Variants in MICAL2 observed in about 807,000 individuals in gnomAD.
MICAL2 encodes microtubule associated monooxygenase, calponin and LIM domain containing 2, also known as [F-actin]-monooxygenase MICAL2.
A neutral mutation model predicts 127.3 loss-of-function variants in MICAL2; 77 were observed. The ratio of observed to expected loss-of-function variants is 0.60; its 90% CI spans 0.50 to 0.73. The LOEUF (loss-of-function observed/expected upper bound fraction) is 0.73, where lower values mean the gene tolerates loss of function less well. MICAL2 is among the 30% of genes least tolerant of loss of function. MICAL2 has a pLI of 0.00. For synonymous variants in MICAL2, 570 were observed against 551.1 expected (o/e 1.03, Z -0.48); for missense variants, 1,351 against 1,434.4 (o/e 0.94, Z 0.94).
At chr11:12,333,812 C>CA (rs1712204414) in intron 32 of MICAL2, among the ~76,000 whole-genome samples, 1 of 151,882 alleles carries the variant, frequency 6.6e-6, no homozygotes, top group Admixed American at 6.6e-5. Flanking sequence ...GTAAATCTAG[C>CA]AAAAAACATG....
At chr11:12,281,435 T>C (rs1378769151) in intron 2 of MICAL2, among the ~76,000 whole-genome samples, 2 of 151,994 alleles carry the variant, frequency 1.3e-5, no homozygotes, top group Admixed American at 6.5e-5. Flanking sequence ...TATGGGCACC[T>C]CCTTAGGGGC....
At chr11:12,256,506 C>T (rs1862339212) in intron 23 of MICAL2, 2 of 342,602 alleles carry the variant, frequency 5.8e-6, no homozygotes, top group Non-Finnish European at 1.1e-5. Flanking sequence ...CACTCCCACC[C>T]CAAAACCAGA....
Position 12,220,401 on chromosome 11 carries a change from G to A in MICAL2, c.1149G>A (p.Val383=). The change falls in exon 9 of 28, where the codon GTG becomes GTA. Residue 383 remains valine, a synonymous_variant. Transcript: ENST00000683283. The part of the protein sequence containing the change: ...CMYASENAAL[V]RERQAHQLLV... ...ATGCCTCAGAGAACGCGGCCCTGGT[G>A]CGGGAGCGGCAGGCGCACCAGCTGC... is the stretch of plus-strand genomic sequence containing the variant. 1.2e-6 allele frequency: 2 copies of A among 1,613,850 alleles called. No homozygotes were observed. The highest frequency in any genetic ancestry group is 2.2e-5 in the East Asian group (1 of 44,884).
chr11:12,175,949 T>G (rs1856797739), intron 3 of MICAL2, among the ~76,000 whole-genome samples: 1 of 152,178 alleles, frequency 6.6e-6, no homozygotes, highest in Non-Finnish European at 1.5e-5. Context: ...GGGCTTTTAC[T>G]CTGCATGAGA....
downstream of MICAL2, chr11:12,294,402 A>C: frequency 6.2e-7 from 1 of 1,614,164 alleles, no homozygotes; most frequent in Non-Finnish European, 8.5e-7. Flanking sequence ...AAAGACGGGG[A>C]CCAGCATTCC....
In MICAL2 at chr11:12,239,521, C is replaced by A; in HGVS notation, c.2150C>A (p.Ser717Tyr). The stretch of plus-strand genomic sequence containing the variant: ...GGTGGAAATCAGAACAAAGTCAAGT[C>A]CATGGCGAATCAGCTGCTGGCCAAG... ...KEGGNQNKVK[S>Y]MANQLLAKFE... The change falls in exon 17 of 28, where the codon TCC becomes TAC. Residue 717 changes from serine to tyrosine, a missense_variant. This residue lies in a region of MICAL2 where 752 missense variants were observed against 719.4 expected (regional missense o/e 1.05). Coordinates refer to ENST00000683283, the MANE Select transcript of MICAL2 (RefSeq NM_001282663.2). 1 of 1,614,214 alleles carries A rather than the reference C, an allele frequency of 6.2e-7. No individual in the cohort carries two copies. The highest frequency in any genetic ancestry group is 8.5e-7 in the Non-Finnish European group (1 of 1,180,044).
downstream of MICAL2, chr11:12,292,104 A>G (rs984891211): frequency 1.3e-5 from 21 of 1,585,994 alleles, no homozygotes; most frequent in Non-Finnish European, 1.8e-5. Context: ...ATAAAATAAT[A>G]ACACCTTTGT....
intron 29 of MICAL2, among the ~76,000 whole-genome samples, chr11:12,310,258 A>G (rs12808445): frequency 0.4 from 60,780 of 151,982 alleles, 14,872 homozygotes; most frequent in Non-Finnish European, 0.55. Flanking sequence ...GCCCAGACCA[A>G]TGTCCTATAG....
chr11:12,332,588 T>A (rs1007241058), intron 32 of MICAL2, among the ~76,000 whole-genome samples: 2 of 152,130 alleles, frequency 1.3e-5, no homozygotes, highest in African/African-American at 4.8e-5. Flanking sequence ...GAGAGTTTAT[T>A]ATTCACAGCA....
At chr11:12,284,563 G>A (rs765189745) in intron 2 of MICAL2, among the ~76,000 whole-genome samples, 7 of 152,036 alleles carry the variant, frequency 4.6e-5, no homozygotes, top group Non-Finnish European at 8.8e-5. Context: ...TTTCCAATAG[G>A]TTCCATTCCA....
rs777096849 is a variant in MICAL2 at position 12,220,183 on chromosome 11, T to C, written c.949-18T>C. 1.5e-5 allele frequency: 25 copies of C among 1,613,612 alleles called. 1 individual carries two copies. Among genetic ancestry groups the C allele is most frequent in the Admixed American group, 8.3e-5 (5 of 60,016 alleles). ...TTTAGAGGGGGAGGTTGCTGCACCA[T>C]GTTTTCATCTTCCCCAGGACTACAT... On this transcript the variant is annotated intron_variant, in intron 8 of 27. Coordinates refer to ENST00000683283, the MANE Select transcript of MICAL2 (RefSeq NM_001282663.2).
At position 12,242,090 on chromosome 11, in the gene MICAL2, G is replaced by T; in HGVS notation, c.2338-124G>T. 3 of 763,352 alleles carry T rather than the reference G, an allele frequency of 3.9e-6. No homozygotes were observed. In the South Asian group the frequency reaches 5.9e-5, roughly 15 times the overall value. The allele number at this position is 763,352 out of a possible 1,614,324, so 47.3% of individuals were successfully genotyped here. A position where few individuals can be genotyped will look rare whatever the true frequency, so the allele number is the denominator to read the frequency against. On this transcript the variant is annotated intron_variant, in intron 18 of 27. Transcript: ENST00000683283. ...AGAGTCAACACCTGGGGCTAGTTTG[G>T]AATCTTACTTAGGGTTGCACCTGGT...
intron 2 of MICAL2, among the ~76,000 whole-genome samples, chr11:12,143,945 A>AAG (rs137892591): frequency 6.7e-5 from 10 of 150,296 alleles, no homozygotes; most frequent in African/African-American, 1.7e-4. Flanking sequence ...GAGAGAGGGA[A>AAG]AGAGAGAGAG....
intron 32 of MICAL2, among the ~76,000 whole-genome samples, chr11:12,332,042 C>T (rs1349150159): frequency 1.3e-5 from 2 of 152,132 alleles, no homozygotes; most frequent in East Asian, 1.9e-4. Flanking sequence ...AATGAGGACT[C>T]ATTGTTATCA....
intron 3 of MICAL2, among the ~76,000 whole-genome samples, chr11:12,175,476 G>A (rs576186516): frequency 1.1e-4 from 16 of 151,756 alleles, no homozygotes; most frequent in African/African-American, 2.9e-4. Context: ...ACTCTGGGTC[G>A]AAAACAAAAA....
In MICAL2 at chr11:12,208,028, C is replaced by T; in HGVS notation, c.478C>T (p.Arg160Cys). ...CAGSIDHISI[R>C]QLQLILFKVA... ...CTCTCCTTCCTGCCTGACAGGTATT[C>T]GCCAACTACAGCTCATCCTATTCAA... is the stretch of plus-strand genomic sequence containing the variant. The change falls in exon 5 of 28, where the codon CGC becomes TGC. Residue 160 changes from arginine to cysteine, a missense_variant. By Grantham distance (180) the Arg-to-Cys change is radical (BLOSUM62 -3). Coordinates refer to ENST00000683283, the MANE Select transcript of MICAL2 (RefSeq NM_001282663.2). 8 of 1,613,498 alleles carry T rather than the reference C, an allele frequency of 5.0e-6. No homozygotes were observed. Among genetic ancestry groups the T allele is most frequent in the Non-Finnish European group, 6.8e-6 (8 of 1,179,424 alleles).
intron 22 of MICAL2, among the ~76,000 whole-genome samples, chr11:12,249,718 T>C (rs946157490): frequency 6.6e-6 from 1 of 152,224 alleles, no homozygotes; most frequent in Admixed American, 6.5e-5. Flanking sequence ...GTGGGCTTGC[T>C]CGATGCTCCT....
chr11:12,193,335 C>T (rs1464026479), intron 3 of MICAL2, among the ~76,000 whole-genome samples: 1 of 152,232 alleles, frequency 6.6e-6, no homozygotes, highest in East Asian at 1.9e-4. Context: ...AACAGCTGCT[C>T]AACTCAGATA....
Position 12,225,090 on chromosome 11 carries a change from C to T in MICAL2, c.1688+270C>T, listed in dbSNP as rs192188384. Among the ~76,000 whole-genome samples, 1,380 of 149,238 alleles carry T rather than the reference C, an allele frequency of 9.2e-3. 22 individuals are homozygous for T. Among genetic ancestry groups the T allele is most frequent in the African/African-American group, 0.033 (1,319 of 40,050 alleles). On this transcript the variant is annotated intron_variant, in intron 13 of 27. Coordinates refer to ENST00000683283, the MANE Select transcript of MICAL2 (RefSeq NM_001282663.2). The stretch of plus-strand genomic sequence containing the variant: ...CCCACTACCCTTCCCCCCCGAGCCC[C>T]ATCACCACACTCTTTGGAATTTGAG...
Sources: gnomAD v4.1 joint callset for allele counts (sites outside exome capture counted in the v4.1 genomes callset) on GRCh38, gnomAD v4.1.1 for gene constraint, gnomAD v4.1.1 regional missense constraint, MANE v1.5 for transcripts, NCBI Gene and HGNC (gene_info 2026-07-23, HGNC 2026-07-21) for gene names.